ZNF654: variants seen among roughly 807,000 people sequenced by gnomAD.
The protein encoded by ZNF654 is melanoma-associated antigen.
ZNF654 carries 19 observed loss-of-function variants against 95.3 expected under a neutral mutation model. The observed-to-expected ratio is 0.20, with a 90% CI of 0.14 to 0.29. The LOEUF (loss-of-function observed/expected upper bound fraction) is 0.29. Ranked by LOEUF, ZNF654 falls within the 10% of genes least tolerant of loss-of-function variation. The pLI is 1.00. For missense variants in ZNF654, 1,046 were observed against 1,341.0 expected (o/e 0.78, Z 3.44); for synonymous variants, 413 against 457.9 (o/e 0.90, Z 1.25).
intron 1 of ZNF654, among the ~76,000 whole-genome samples, chr3:88,060,317 C>T (rs1706794310): frequency 6.6e-6 from 1 of 152,124 alleles, no homozygotes. Context: ...TCGACCGTCA[C>T]AGGGGTTTGA....
intron 1 of ZNF654, 115 bp downstream of exon 1, chr3:88,059,620 A>G (rs1706727400): frequency 2.6e-6 from 3 of 1,176,386 alleles, no homozygotes; most frequent in Non-Finnish European, 3.2e-6. Flanking sequence ...CTCCCCAACA[A>G]GGAGGGTGAG....
chr3:88,074,931 G>A (rs146615684), intron 1 of ZNF654, among the ~76,000 whole-genome samples: 2 of 152,164 alleles, frequency 1.3e-5, no homozygotes, highest in Non-Finnish European at 2.9e-5. Flanking sequence ...TATTTTACTA[G>A]GAAAACTCAT....
intron 1 of ZNF654, among the ~76,000 whole-genome samples, chr3:88,068,863 C>T (rs1707345820): frequency 6.6e-6 from 1 of 152,090 alleles, no homozygotes; most frequent in Non-Finnish European, 1.5e-5. Context: ...GCCAGTTTGA[C>T]AGCCAAAAGC....
At chr3:88,100,619 A>T (rs1322254776) in intron 2 of ZNF654, among the ~76,000 whole-genome samples, 1 of 152,242 alleles carries the variant, frequency 6.6e-6, no homozygotes, top group Non-Finnish European at 1.5e-5. Flanking sequence ...ACCATGGAAT[A>T]CGATGCAGCC....
chr3:88,100,534 A>G (rs1704349951), intron 2 of ZNF654, among the ~76,000 whole-genome samples: 2 of 152,210 alleles, frequency 1.3e-5, no homozygotes, highest in Non-Finnish European at 1.5e-5. Context: ...AGCACTATTC[A>G]CAATAGCAGA....
chr3:88,073,216 G>A (rs1057202858), intron 1 of ZNF654, among the ~76,000 whole-genome samples: 1 of 152,094 alleles, frequency 6.6e-6, no homozygotes, highest in Non-Finnish European at 1.5e-5. Flanking sequence ...GGAACTGTGG[G>A]ACTAGGGTCC....
chr3:88,137,890 A>G (rs1706892784), intron 7 of ZNF654, among the ~76,000 whole-genome samples: 1 of 151,764 alleles, frequency 6.6e-6, no homozygotes, highest in Non-Finnish European at 1.5e-5. Flanking sequence ...TGTAGGCAGT[A>G]TGATATATAT....
At chr3:88,060,109 T>C (rs572090272) in intron 1 of ZNF654, among the ~76,000 whole-genome samples, 1 of 152,210 alleles carries the variant, frequency 6.6e-6, no homozygotes, top group East Asian at 1.9e-4. Context: ...GTTAAGGCAA[T>C]GTGATTGTCT....
intron 1 of ZNF654, among the ~76,000 whole-genome samples, chr3:88,072,945 A>C (rs1169301180): frequency 6.7e-6 from 1 of 148,930 alleles, no homozygotes; most frequent in Admixed American, 6.8e-5. Context: ...TGGATGAAAT[A>C]GGATTTGACT....
intron 3 of ZNF654, among the ~76,000 whole-genome samples, chr3:88,122,024 G>T (rs1705798969): frequency 6.6e-6 from 1 of 152,146 alleles, no homozygotes; most frequent in African/African-American, 2.4e-5. Context: ...CTAAGAAGAT[G>T]TCAACACTTA....
In ZNF654 at chr3:88,112,489, T is replaced by G. The variant is rs1705152634; in HGVS notation, c.333-626T>G. Reference sequence around the variant, plus strand: ...AATTATTAAGAGCACATAAAGTATTTAGTAACAGTATTTCCAAATAATTTA... The same window carrying G: ...AATTATTAAGAGCACATAAAGTATTGAGTAACAGTATTTCCAAATAATTTA... On this transcript the variant is annotated intron_variant, in intron 2 of 8. Coordinates refer to ENST00000636215, the MANE Select transcript of ZNF654 (RefSeq NM_001350134.2). Among the ~76,000 whole-genome samples, 5 of 149,736 alleles carry G rather than the reference T, an allele frequency of 3.3e-5. No homozygotes were observed. The South Asian group carries it at 1.1e-3, about 32-fold the overall frequency.
At chr3:88,123,754 T>G (rs377005800) in intron 3 of ZNF654, among the ~76,000 whole-genome samples, 1 of 152,224 alleles carries the variant, frequency 6.6e-6, no homozygotes, top group East Asian at 1.9e-4. Context: ...GTCCCAGGAC[T>G]GAGCAGCAGA....
chr3:88,111,216 CTTGT>C (rs2107759390), intron 2 of ZNF654, among the ~76,000 whole-genome samples: 1 of 151,980 alleles, frequency 6.6e-6, no homozygotes, highest in East Asian at 1.9e-4. Context: ...TTTTGTTGGG[CTTGT>C]TTTATACTTA....
intron 1 of ZNF654, among the ~76,000 whole-genome samples, chr3:88,062,028 G>A (rs1706915156): frequency 6.6e-6 from 1 of 152,066 alleles, no homozygotes. Context: ...TTTCCAGAGG[G>A]GTTTTTGTGT....
chr3:88,127,608 G>C (rs765368476), intron 4 of ZNF654, among the ~76,000 whole-genome samples: 3 of 152,054 alleles, frequency 2.0e-5, no homozygotes, highest in Non-Finnish European at 4.4e-5. Flanking sequence ...CAAAGACAGA[G>C]TTTCAAGAGA....
intron 1 of ZNF654, among the ~76,000 whole-genome samples, chr3:88,070,563 GTTTTTTTTTTTTT>G (rs67079285): frequency 2.0e-4 from 22 of 111,314 alleles, no homozygotes; most frequent in African/African-American, 5.0e-4. Flanking sequence ...AACACTGCCT[GTTTTTTTTTTTTT>G]TTTTTTTTTT....
At chr3:88,061,714 G>C (rs770595533) in intron 1 of ZNF654, among the ~76,000 whole-genome samples, 2 of 152,080 alleles carry the variant, frequency 1.3e-5, no homozygotes, top group African/African-American at 2.4e-5. Flanking sequence ...AGGGAAGCAG[G>C]GGGATTATTT....
At chr3:88,086,505 C>G (rs1364087510) in intron 2 of ZNF654, 103 bp downstream of exon 2, 1 of 1,012,784 alleles carries the variant, frequency 9.9e-7, no homozygotes, top group East Asian at 2.8e-5. Context: ...CTAAAGTATT[C>G]CCTCAAAAAG....
In ZNF654 at chr3:88,059,256, G is replaced by A; in HGVS notation, c.-64G>A. 10 of 1,530,676 alleles carry A rather than the reference G, an allele frequency of 6.5e-6. No individual in the cohort carries two copies. Among genetic ancestry groups the A allele is most frequent in the South Asian group, 1.2e-5 (1 of 83,546 alleles). The allele number at this position is 1,530,676 out of a possible 1,614,324, so 94.8% of individuals were successfully genotyped here. A position where few individuals can be genotyped will look rare whatever the true frequency, so the allele number is the denominator to read the frequency against. ...GGAACTAGAGAGGAGGAGGAGGTTAGCCTAGGCATCTACGGCGGCGGCGGC... is the reference window on the plus strand; with the variant it reads ...GGAACTAGAGAGGAGGAGGAGGTTAACCTAGGCATCTACGGCGGCGGCGGC... On this transcript the variant is annotated 5_prime_UTR_variant, in exon 1 of 9. Transcript: ENST00000636215.
Sources: gnomAD v4.1 joint callset for allele counts (sites outside exome capture counted in the v4.1 genomes callset) on GRCh38, gnomAD v4.1.1 for gene constraint, MANE v1.5 for transcripts, NCBI Gene and HGNC (gene_info 2026-07-23, HGNC 2026-07-21) for gene names.